GRHL2: variants seen among roughly 807,000 people sequenced by gnomAD.
GRHL2 encodes the protein grainyhead like transcription factor 2, also known as grainyhead-like protein 2 homolog.
Under a neutral mutation model 83.8 loss-of-function variants are expected in GRHL2, and 21 were observed. The ratio of observed to expected loss-of-function variants is 0.25; its 90% CI spans 0.18 to 0.36. The LOEUF is 0.36. Ranked by LOEUF, GRHL2 falls within the 10% of genes least tolerant of loss-of-function variation. The pLI is 1.00. For missense variants in GRHL2, 623 were observed against 781.8 expected (o/e 0.80, Z 2.42); for synonymous variants, 280 against 278.9 (o/e 1.00, Z -0.04).
intron 2 of GRHL2, chr8:101,543,716 A>G: frequency 2.3e-6 from 1 of 434,202 alleles, no homozygotes; most frequent in Non-Finnish European, 4.3e-6. Flanking sequence ...TTACCATATT[A>G]CAAATACTTC....
At chr8:101,515,020 A>C (rs1197828069) in intron 1 of GRHL2, among the ~76,000 whole-genome samples, 65 of 98,682 alleles carry the variant, frequency 6.6e-4, no homozygotes, top group African/African-American at 1.2e-3. Flanking sequence ...TCCCCCCTTC[A>C]TTTTCCTTCC....
intron 7 of GRHL2, among the ~76,000 whole-genome samples, chr8:101,578,669 C>A (rs1172650091): frequency 2.0e-5 from 3 of 152,172 alleles, no homozygotes; most frequent in Non-Finnish European, 2.9e-5. Flanking sequence ...ATGCTTCAGT[C>A]CAAATGAGTG....
At chr8:101,599,023 C>A in intron 7 of GRHL2, 34 bp from the exon 8 acceptor site, 1 of 1,446,924 alleles carries the variant, frequency 6.9e-7, no homozygotes, top group South Asian at 1.1e-5. Context: ...CACTCTTACT[C>A]CTTTAAAAGC....
intron 1 of GRHL2, among the ~76,000 whole-genome samples, chr8:101,511,473 G>T (rs1810463677): frequency 6.6e-6 from 1 of 152,012 alleles, no homozygotes; most frequent in Non-Finnish European, 1.5e-5. Flanking sequence ...TCAGGCTCTC[G>T]AGTAGCTGGG....
chr8:101,552,788 G>A lies in GRHL2; in HGVS notation c.284+6G>A, dbSNP rs1256252577. On this transcript the variant is annotated splice_donor_region_variant and intron_variant, in intron 3 of 15. Transcript: ENST00000646743. ...CAAGAAGACCAGGAGAAAAGGTAAA[G>A]GAATTTGCCTGGCCCCCAGAATAAC... 6.2e-7 allele frequency: 1 copy of A among 1,612,910 alleles called. No homozygotes were observed. The highest frequency in any genetic ancestry group is 1.7e-5 in the Admixed American group (1 of 59,946).
rs4002326 is a variant in GRHL2 at position 101,509,107 on chromosome 8, C to CTCCT, written c.20+16368_20+16371dup. On this transcript the variant is annotated intron_variant, in intron 1 of 15. Coordinates refer to ENST00000646743, the MANE Select transcript of GRHL2 (RefSeq NM_024915.4). ...TGTTTTCCTTTCTTTCTTTCTTTCT[C>CTCCT]TCCTTCCTTCCTTCCTTCCTTCCTT... Among the ~76,000 whole-genome samples the CTCCT allele has an allele frequency of 2.9e-3, 274 of 94,536 alleles. 6 individuals are homozygous for CTCCT. Among genetic ancestry groups the CTCCT allele is most frequent in the Admixed American group, 7.0e-3 (55 of 7,816 alleles). The allele number at this position is 94,536 out of a possible 152,430, so 62.0% of individuals were successfully genotyped here.
chr8:101,571,520 G>A (rs948654865), intron 5 of GRHL2, among the ~76,000 whole-genome samples: 1 of 150,916 alleles, frequency 6.6e-6, no homozygotes, highest in East Asian at 1.9e-4. Context: ...TGAGAGAGTG[G>A]CAAGAAATGA....
intron 8 of GRHL2, among the ~76,000 whole-genome samples, chr8:101,608,292 T>C (rs1467579884): frequency 6.6e-6 from 1 of 152,254 alleles, no homozygotes; most frequent in Non-Finnish European, 1.5e-5. Context: ...TTCTGAAGCA[T>C]GTGCTCTTTC....
intron 8 of GRHL2, among the ~76,000 whole-genome samples, chr8:101,605,725 C>T (rs141952674): frequency 4.6e-5 from 7 of 152,326 alleles, no homozygotes; most frequent in Admixed American, 2.0e-4. Context: ...GGAGTGAAAA[C>T]TCCTTGCACT....
intron 1 of GRHL2, among the ~76,000 whole-genome samples, chr8:101,525,987 A>AAATT (rs1810795519): frequency 1.3e-5 from 2 of 152,266 alleles, no homozygotes; most frequent in African/African-American, 2.4e-5. Context: ...ACCCAAACTA[A>AAATT]AATTTTCAAA....
In GRHL2 at chr8:101,532,053, C is replaced by T. The variant is rs182692385; in HGVS notation, c.21-11188C>T. On this transcript the variant is annotated intron_variant, in intron 1 of 15. Transcript: ENST00000646743. ...TTTAACGTGAAGCTATCAATATCGT[C>T]CTGGGCTTATGGATTCATTTCACTT... Among the ~76,000 whole-genome samples the T allele has an allele frequency of 1.9e-3, 290 of 152,316 alleles. 1 individual carries two copies. The highest frequency in any genetic ancestry group is 6.4e-3 in the African/African-American group (268 of 41,572).
intron 1 of GRHL2, among the ~76,000 whole-genome samples, chr8:101,494,645 C>G (rs1453284533): frequency 6.6e-6 from 1 of 152,184 alleles, no homozygotes; most frequent in Non-Finnish European, 1.5e-5. Flanking sequence ...TTTAATTAAT[C>G]GCGCAATTAA....
At chr8:101,609,329 T>C (rs933897137) in intron 8 of GRHL2, among the ~76,000 whole-genome samples, 3 of 127,874 alleles carry the variant, frequency 2.3e-5, no homozygotes, top group East Asian at 2.1e-4. Flanking sequence ...ACTTCGTAGA[T>C]TGTTAGAAAC....
intron 7 of GRHL2, among the ~76,000 whole-genome samples, chr8:101,589,756 A>G (rs1227968629): frequency 6.6e-6 from 1 of 152,230 alleles, no homozygotes; most frequent in Non-Finnish European, 1.5e-5. Flanking sequence ...AATATTACTA[A>G]TAATTATGCC....
At chr8:101,494,355 G>A (rs756574934) in intron 1 of GRHL2, among the ~76,000 whole-genome samples, 12 of 152,338 alleles carry the variant, frequency 7.9e-5, no homozygotes, top group Admixed American at 2.6e-4. Flanking sequence ...AAAACTGCCA[G>A]ATAGTTGTAC....
Position 101,513,500 on chromosome 8 carries a change from C to CTTTTTTTTTT in GRHL2, c.20+20712_20+20721dup, listed in dbSNP as rs112134650. On this transcript the variant is annotated intron_variant, in intron 1 of 15. Coordinates refer to ENST00000646743, the MANE Select transcript of GRHL2 (RefSeq NM_024915.4). Reference sequence around the variant, plus strand: ...TATGTGGGTGCAGGCTATCGTTGTGCTTTTTTTTTTGGAGATGGAGTTTTG... The same window carrying CTTTTTTTTTT: ...TATGTGGGTGCAGGCTATCGTTGTGCTTTTTTTTTTTTTTTTTTTTGGAGATGGAGTTTTG... Among the ~76,000 whole-genome samples, 71 of 100,172 alleles carry CTTTTTTTTTT rather than the reference C, an allele frequency of 7.1e-4. 7 individuals are homozygous for CTTTTTTTTTT. The East Asian group carries it at 0.012, about 17-fold the overall frequency. The allele number at this position is 100,172 out of a possible 152,430, so 65.7% of individuals were successfully genotyped here.
In GRHL2 at chr8:101,647,979, C is replaced by T. The variant is rs117465106; in HGVS notation, c.1613-1435C>T. On this transcript the variant is annotated intron_variant, in intron 13 of 15. Transcript: ENST00000646743. ...GATGGCTCTGTTGGTGTCTGAGTGT[C>T]GCTGGTACCCAGAGTTGGCAGGGTT... Among the ~76,000 whole-genome samples the T allele has an allele frequency of 3.8e-3, 579 of 152,150 alleles. 8 individuals are homozygous for T. The East Asian group carries it at 0.057, about 15-fold the overall frequency.
At chr8:101,634,615 A>T (rs1213482631) in intron 11 of GRHL2, among the ~76,000 whole-genome samples, 2 of 152,178 alleles carry the variant, frequency 1.3e-5, no homozygotes, top group Admixed American at 1.3e-4. Flanking sequence ...CAGTCCTGAG[A>T]CTTGCTAAAA....
intron 1 of GRHL2, among the ~76,000 whole-genome samples, chr8:101,508,200 G>A (rs892911460): frequency 2.0e-5 from 3 of 152,114 alleles, no homozygotes; most frequent in South Asian, 2.1e-4. Context: ...AAGACATTTG[G>A]TTCATATTTC....
Sources: allele counts gnomAD v4.1 joint callset (sites outside exome capture counted in the v4.1 genomes callset), GRCh38; gene constraint gnomAD v4.1.1; transcripts MANE v1.5; gene names NCBI Gene and HGNC (gene_info 2026-07-23, HGNC 2026-07-21).